The following HLF variants were observed in gnomAD, a reference collection of about 807,000 sequenced individuals.
The protein encoded by HLF is HLF transcription factor, PAR bZIP family member.
HLF carries 3 observed loss-of-function variants against 22.6 expected under a neutral mutation model. That is an observed-to-expected ratio of 0.13 (90% CI 0.06 to 0.34). The LOEUF is 0.34. Among genes scored for constraint, HLF ranks in the 10% least tolerant of loss-of-function variants. The pLI, the probability that HLF is intolerant of heterozygous loss-of-function variation, is 1.00. For synonymous variants in HLF, 151 were observed against 151.8 expected (o/e 0.99, Z 0.04); for missense variants, 299 against 389.2 (o/e 0.77, Z 1.95).
chr17:55,265,565 G>C lies in HLF; in HGVS notation c.81G>C (p.Glu27Asp). The C allele has an allele frequency of 6.2e-7, 1 of 1,606,780 alleles. No homozygotes were observed. The highest frequency in any genetic ancestry group is 1.1e-5 in the South Asian group (1 of 90,484). The part of the protein sequence containing the change: ...PPYGVLRSLL[E>D]NPLKLPLHHE... ...ACGGCGTGCTCAGGTCCCTGCTGGA[G>C]AACCCGCTGAAGCTCCCCCTTCACC... The change falls in exon 1 of 4, where the codon GAG (glutamate) becomes GAC (aspartate). Residue 27 changes from glutamate (E) to aspartate (D), a missense_variant. By Grantham distance (45) the Glu-to-Asp change is conservative (BLOSUM62 2). Coordinates refer to ENST00000226067, the MANE Select transcript of HLF (RefSeq NM_002126.5).
At chr17:55,293,926 G>C (rs1169824786) in intron 2 of HLF, among the ~76,000 whole-genome samples, 1 of 152,150 alleles carries the variant, frequency 6.6e-6, no homozygotes, top group Non-Finnish European at 1.5e-5. Context: ...CTCTGGGGAG[G>C]CCCTAAGGTC....
At chr17:55,296,713 C>A (rs1158254222) in intron 2 of HLF, among the ~76,000 whole-genome samples, 3 of 152,096 alleles carry the variant, frequency 2.0e-5, no homozygotes, top group African/African-American at 7.2e-5. Context: ...TGTGGTATAT[C>A]TAAAGTTTTC....
chr17:55,299,108 A>T (rs2081134487), intron 2 of HLF, among the ~76,000 whole-genome samples: 1 of 152,232 alleles, frequency 6.6e-6, no homozygotes, highest in Non-Finnish European at 1.5e-5. Context: ...CCCAGCAAGA[A>T]CTGCAAAGGC....
chr17:55,278,182 G>T (rs1010767039), intron 2 of HLF, among the ~76,000 whole-genome samples: 2 of 152,132 alleles, frequency 1.3e-5, no homozygotes, highest in Non-Finnish European at 2.9e-5. Context: ...CTCAAATTTT[G>T]CCTGGGAGAC....
At chr17:55,310,133 A>G (rs1198728659) in intron 2 of HLF, among the ~76,000 whole-genome samples, 1 of 152,228 alleles carries the variant, frequency 6.6e-6, no homozygotes, top group Admixed American at 6.5e-5. Context: ...TTCTTTTTCC[A>G]GATTTCTTTA....
intron 2 of HLF, among the ~76,000 whole-genome samples, chr17:55,304,241 G>A (rs1016554213): frequency 1.3e-5 from 2 of 152,172 alleles, no homozygotes; most frequent in Non-Finnish European, 2.9e-5. Flanking sequence ...AGAAGGCACA[G>A]AGCCATTCTT....
chr17:55,314,046 G>T (rs1169109139), intron 2 of HLF, among the ~76,000 whole-genome samples: 1 of 152,174 alleles, frequency 6.6e-6, no homozygotes, highest in African/African-American at 2.4e-5. Context: ...GGAAGAGGGG[G>T]AGATGGGCCA....
Position 55,324,878 on chromosome 17 carries a change from C to A in HLF, c.*3999C>A, listed in dbSNP as rs182889401. Reference sequence around the variant, plus strand: ...AAAGTCTTTAATTTTGAGCACCTTACCAAACATAACAATAATCCATTATCC... The same window carrying A: ...AAAGTCTTTAATTTTGAGCACCTTAACAAACATAACAATAATCCATTATCC... On this transcript the variant is annotated 3_prime_UTR_variant, in exon 4 of 4. Transcript: ENST00000226067. 2.9e-4 allele frequency: 67 copies of A among 232,118 alleles called. No homozygotes were observed. The highest frequency in any genetic ancestry group is 1.4e-3 in the African/African-American group (65 of 45,190). 14.4% of individuals were successfully genotyped at this position (232,118 alleles called of 1,614,324 possible). A position where few individuals can be genotyped will look rare whatever the true frequency, so the allele number is the denominator to read the frequency against.
rs1354634764 is a variant in HLF, at chr17:55,316,696, C to G, written c.672+1249C>G. On this transcript the variant is annotated intron_variant, in intron 3 of 3. Coordinates refer to ENST00000226067, the MANE Select transcript of HLF (RefSeq NM_002126.5). ...GCCTGGCTCCCAGGTTGTCTTGCTTCCCAAAAGGTCACAGCAGCATGTTGG... is the reference window on the plus strand; with the variant it reads ...GCCTGGCTCCCAGGTTGTCTTGCTTGCCAAAAGGTCACAGCAGCATGTTGG... 2.6e-5 allele frequency among the ~76,000 whole-genome samples: 4 copies of G among 152,194 alleles called. No homozygotes were observed. In the East Asian group the frequency reaches 7.7e-4, roughly 29 times the overall value.
chr17:55,293,931 A>G (rs2081089145), intron 2 of HLF, among the ~76,000 whole-genome samples: 1 of 152,160 alleles, frequency 6.6e-6, no homozygotes, highest in Admixed American at 6.5e-5. Context: ...GGGAGGCCCT[A>G]AGGTCTCCTC....
intron 1 of HLF, chr17:55,267,473 T>C (rs1009718726): frequency 2.0e-5 from 7 of 354,108 alleles, no homozygotes; most frequent in African/African-American, 4.2e-5. Context: ...AATAATGTGC[T>C]GAGACTGTTC....
chr17:55,279,277 A>G (rs1248297002), intron 2 of HLF, among the ~76,000 whole-genome samples: 1 of 152,226 alleles, frequency 6.6e-6, no homozygotes, highest in Non-Finnish European at 1.5e-5. Context: ...AAGATTCAGT[A>G]TTACACAAAC....
chr17:55,297,481 A>T (rs1273008195), intron 2 of HLF, among the ~76,000 whole-genome samples: 1 of 152,108 alleles, frequency 6.6e-6, no homozygotes, highest in African/African-American at 2.4e-5. Context: ...AAGAAAATGG[A>T]CATCTCTTCT....
At chr17:55,273,944 T>C (rs1490293775) in intron 2 of HLF, among the ~76,000 whole-genome samples, 2 of 152,186 alleles carry the variant, frequency 1.3e-5, no homozygotes, top group Non-Finnish European at 2.9e-5. Flanking sequence ...CTCTCCTGCC[T>C]GTCTGCCCAG....
rs1905227443 is a variant in HLF at position 55,320,519 on chromosome 17, A to G, written c.673-145A>G. ...ATGGGCCACACTCTCAGACATGCAG[A>G]AACTGTAAAGGAAGGAGACACAAGC... On this transcript the variant is annotated intron_variant, in intron 3 of 3. Transcript: ENST00000226067. This position sits in a 1 kb window ranked among gnomAD's most constrained non-coding sequence, Gnocchi z 4.2. 1 of 655,128 alleles carries G rather than the reference A, an allele frequency of 1.5e-6. No homozygotes were observed. Among genetic ancestry groups the G allele is most frequent in the South Asian group, 2.0e-5 (1 of 50,336 alleles). The allele number at this position is 655,128 out of a possible 1,614,324, so 40.6% of individuals were successfully genotyped here.
intron 2 of HLF, among the ~76,000 whole-genome samples, chr17:55,311,760 G>C (rs1323533348): frequency 6.6e-6 from 1 of 152,058 alleles, no homozygotes; most frequent in Non-Finnish European, 1.5e-5. Context: ...GCCTTTGATT[G>C]AACCCTTCAT....
chr17:55,300,166 C>T (rs2081144826), intron 2 of HLF, among the ~76,000 whole-genome samples: 1 of 152,138 alleles, frequency 6.6e-6, no homozygotes, highest in African/African-American at 2.4e-5. Context: ...AGTAATGCAG[C>T]CACTTGATTA....
At chr17:55,312,751 T>G (rs915112427) in intron 2 of HLF, among the ~76,000 whole-genome samples, 4 of 152,170 alleles carry the variant, frequency 2.6e-5, no homozygotes, top group African/African-American at 9.7e-5. Flanking sequence ...TTCACTCTCT[T>G]TACACATTCC....
At chr17:55,268,711 A>T (rs1357690617) in intron 2 of HLF, among the ~76,000 whole-genome samples, 1 of 150,430 alleles carries the variant, frequency 6.6e-6, no homozygotes, top group East Asian at 1.9e-4. Context: ...TCTCGTTGCT[A>T]TTCCCATAAA....
Sources: gnomAD v4.1 joint callset for allele counts (sites outside exome capture counted in the v4.1 genomes callset) on GRCh38, gnomAD v4.1.1 for gene constraint, Gnocchi (gnomAD v3.1) non-coding constraint, MANE v1.5 for transcripts, NCBI Gene and HGNC (gene_info 2026-07-23, HGNC 2026-07-21) for gene names.